Variants in STXBP5L observed in about 807,000 individuals in gnomAD.
STXBP5L encodes the protein syntaxin binding protein 5L.
A neutral mutation model predicts 144.5 loss-of-function variants in STXBP5L; 65 were observed. That is an observed-to-expected ratio of 0.45 (90% CI 0.37 to 0.55). The LOEUF is 0.55. STXBP5L is among the 20% of genes least tolerant of loss of function. STXBP5L has a pLI of 0.00. For synonymous variants in STXBP5L, 505 were observed against 469.6 expected, an observed-to-expected ratio of 1.08 and a Z score of -0.97; for missense variants, 1,298 against 1,405.5, an observed-to-expected ratio of 0.92 and a Z score of 1.22.
At chr3:121,144,584 A>G (rs1012314897) in intron 7 of STXBP5L, among the ~76,000 whole-genome samples, 3 of 152,052 alleles carry the variant, frequency 2.0e-5, no homozygotes, top group Non-Finnish European at 4.4e-5. Flanking sequence ...TAAAAATAGA[A>G]CTACCTATAT....
At chr3:121,254,732 A>G (rs947821898) in intron 15 of STXBP5L, among the ~76,000 whole-genome samples, 163 bp from the exon 16 acceptor site, 1 of 152,180 alleles carries the variant, frequency 6.6e-6, no homozygotes, top group African/African-American at 2.4e-5. Context: ...TAGCTGCTGT[A>G]CTGATATGAA....
intron 19 of STXBP5L, among the ~76,000 whole-genome samples, chr3:121,314,010 A>G (rs1444702736): frequency 3.3e-5 from 5 of 151,716 alleles, no homozygotes; most frequent in Non-Finnish European, 5.9e-5. Flanking sequence ...GCGGCCAGGC[A>G]GAGACGCTCC....
intron 5 of STXBP5L, among the ~76,000 whole-genome samples, chr3:121,099,977 A>G (rs2043328418): frequency 6.6e-6 from 1 of 152,222 alleles, no homozygotes; most frequent in Non-Finnish European, 1.5e-5. Context: ...CAGACTTTAA[A>G]CCAACAACCG....
In STXBP5L at chr3:120,941,546, C is replaced by T. The variant is rs116426685; in HGVS notation, c.190-13394C>T. Among the ~76,000 whole-genome samples, 1,202 of 151,686 alleles carry T rather than the reference C, an allele frequency of 7.9e-3. 20 individuals carry two copies. Among genetic ancestry groups the T allele is most frequent in the African/African-American group, 0.027 (1,123 of 41,482 alleles). On this transcript the variant is annotated intron_variant, in intron 2 of 26. Coordinates refer to ENST00000471454, the MANE Select transcript of STXBP5L (RefSeq NM_001308330.2). The stretch of plus-strand genomic sequence containing the variant: ...TTACTATAGAAAGTTCAGACAACAG[C>T]TCTGAATACAGAGATAATTATATAT...
rs893739741 is a variant in STXBP5L at position 121,422,478 on chromosome 3, A to C, written c.*3381A>C. 1.3e-5 allele frequency: 2 copies of C among 152,160 alleles called. No homozygotes were observed. The highest frequency in any genetic ancestry group is 2.9e-5 in the Non-Finnish European group (2 of 68,032). 9.4% of individuals were successfully genotyped at this position (152,160 alleles called of 1,614,324 possible). A position where few individuals can be genotyped will look rare whatever the true frequency, so the allele number is the denominator to read the frequency against. On this transcript the variant is annotated 3_prime_UTR_variant, in exon 27 of 27. Transcript: ENST00000471454. ...GAAGCTAGAGGTATTTGTTTCCCTGATAATAACGTGAGCAATAGTCCCTAC... is the reference window on the plus strand; with the variant it reads ...GAAGCTAGAGGTATTTGTTTCCCTGCTAATAACGTGAGCAATAGTCCCTAC...
At chr3:120,980,074 T>C (rs1941587460) in intron 3 of STXBP5L, among the ~76,000 whole-genome samples, 1 of 152,188 alleles carries the variant, frequency 6.6e-6, no homozygotes, top group Admixed American at 6.5e-5. Context: ...AATTCCACTG[T>C]AGTCTGAAAA....
intron 3 of STXBP5L, among the ~76,000 whole-genome samples, chr3:120,959,136 G>A (rs1938425375): frequency 6.6e-6 from 1 of 152,270 alleles, no homozygotes; most frequent in African/African-American, 2.4e-5. Context: ...AATCATGAGT[G>A]AACTCCCATT....
At chr3:121,343,637 AC>A (rs1238274134) in intron 20 of STXBP5L, among the ~76,000 whole-genome samples, 1 of 151,940 alleles carries the variant, frequency 6.6e-6, no homozygotes, top group Non-Finnish European at 1.5e-5. Flanking sequence ...ATGAGTGAAC[AC>A]CCATTCACAA....
intron 5 of STXBP5L, among the ~76,000 whole-genome samples, chr3:121,054,452 A>G (rs1948293114): frequency 6.6e-6 from 1 of 152,050 alleles, no homozygotes; most frequent in African/African-American, 2.4e-5. Flanking sequence ...GACATGGATT[A>G]AACTGGAAAC....
At chr3:121,114,445 G>A (rs1374791371) in intron 5 of STXBP5L, among the ~76,000 whole-genome samples, 1 of 152,020 alleles carries the variant, frequency 6.6e-6, no homozygotes, top group East Asian at 1.9e-4. Flanking sequence ...TTATGTATTT[G>A]AAGTAAATAT....
intron 3 of STXBP5L, among the ~76,000 whole-genome samples, chr3:120,979,301 C>T (rs533934244): frequency 1.2e-4 from 18 of 152,326 alleles, no homozygotes; most frequent in Non-Finnish European, 2.2e-4. Context: ...TGATCTCAGA[C>T]TGCTGTGCTA....
chr3:121,084,482 A>G (rs2042395566), intron 5 of STXBP5L, among the ~76,000 whole-genome samples: 1 of 152,090 alleles, frequency 6.6e-6, no homozygotes, highest in Non-Finnish European at 1.5e-5. Context: ...CCTGTGATAC[A>G]TGGCTGATGA....
chr3:121,080,386 T>C lies in STXBP5L; in HGVS notation c.471-34539T>C, dbSNP rs964017395. On this transcript the variant is annotated intron_variant, in intron 5 of 26. Transcript: ENST00000471454. Reference sequence around the variant, plus strand: ...TCATGTTAGTTGCCTAAATACTTTGTTTTTTTTTAAATTGTGTTATTGTTT... The same window carrying C: ...TCATGTTAGTTGCCTAAATACTTTGCTTTTTTTTAAATTGTGTTATTGTTT... 3.3e-5 allele frequency among the ~76,000 whole-genome samples: 5 copies of C among 150,692 alleles called. No individual in the cohort carries two copies. The East Asian group carries it at 7.7e-4, about 23-fold the overall frequency.
At chr3:121,366,017 T>C (rs2045854731) in intron 20 of STXBP5L, among the ~76,000 whole-genome samples, 1 of 151,996 alleles carries the variant, frequency 6.6e-6, no homozygotes, top group African/African-American at 2.4e-5. Context: ...ATTTCTGCCT[T>C]GATCCATTGG....
chr3:120,941,652 A>C (rs1710572140), intron 2 of STXBP5L, among the ~76,000 whole-genome samples: 1 of 151,824 alleles, frequency 6.6e-6, no homozygotes, highest in South Asian at 2.1e-4. Flanking sequence ...CTTTCTTAAA[A>C]TATGACATAA....
At chr3:121,300,900 A>G (rs2051870989) in intron 19 of STXBP5L, among the ~76,000 whole-genome samples, 1 of 152,216 alleles carries the variant, frequency 6.6e-6, no homozygotes. Flanking sequence ...TATGCTATTT[A>G]TAAAAGATGC....
At chr3:121,367,302 A>G (rs1392003811) in intron 20 of STXBP5L, among the ~76,000 whole-genome samples, 1 of 152,002 alleles carries the variant, frequency 6.6e-6, no homozygotes, top group Non-Finnish European at 1.5e-5. Context: ...TCCTTTGCAC[A>G]TTTCTTACAG....
chr3:121,091,357 G>A (rs1297728468), intron 5 of STXBP5L, among the ~76,000 whole-genome samples: 1 of 149,598 alleles, frequency 6.7e-6, no homozygotes, highest in Non-Finnish European at 1.5e-5. Context: ...TCGCCACACT[G>A]ACTTCCACAA....
At chr3:120,980,605 G>T (rs1941663559) in intron 3 of STXBP5L, among the ~76,000 whole-genome samples, 2 of 151,774 alleles carry the variant, frequency 1.3e-5, no homozygotes, top group African/African-American at 2.4e-5. Context: ...TTATGAGTTA[G>T]GTGGGTTTCT....
Sources: gnomAD v4.1 joint callset for allele counts (sites outside exome capture counted in the v4.1 genomes callset) on GRCh38, gnomAD v4.1.1 for gene constraint, MANE v1.5 for transcripts, NCBI Gene and HGNC (gene_info 2026-07-23, HGNC 2026-07-21) for gene names.